IL31RA: variants seen among roughly 807,000 people sequenced by gnomAD.
The protein encoded by IL31RA is interleukin-31 receptor subunit alpha.
Under a neutral mutation model 83.7 loss-of-function variants are expected in IL31RA, and 66 were observed. The observed-to-expected ratio is 0.79, with a 90% CI of 0.65 to 0.97. The LOEUF is 0.97. Among genes scored for constraint, IL31RA ranks in the 50% least tolerant of loss-of-function variants. The pLI is 0.00. For synonymous variants in IL31RA, 325 were observed against 329.0 expected, an observed-to-expected ratio of 0.99 and a Z score of 0.13; for missense variants, 798 against 919.4, an observed-to-expected ratio of 0.87 and a Z score of 1.71.
At chr5:55,858,723 C>G (rs1370975512) in intron 1 of IL31RA, among the ~76,000 whole-genome samples, 1 of 152,088 alleles carries the variant, frequency 6.6e-6, no homozygotes, top group Non-Finnish European at 1.5e-5. Context: ...TATTCTTAGA[C>G]TATCCCACCA....
At chr5:55,916,412 A>G (rs1168299858) in intron 14 of IL31RA, among the ~76,000 whole-genome samples, 4 of 151,996 alleles carry the variant, frequency 2.6e-5, no homozygotes. Flanking sequence ...ATATAAATAA[A>G]TAAATTTTAA....
At chr5:55,886,260 C>T (rs1268231366) in intron 5 of IL31RA, among the ~76,000 whole-genome samples, 1 of 130,840 alleles carries the variant, frequency 7.6e-6, no homozygotes, top group East Asian at 2.1e-4. Context: ...TGCTTGCTTG[C>T]TTGCTTGCTT....
chr5:55,886,198 G>A (rs1747588064), intron 5 of IL31RA, among the ~76,000 whole-genome samples: 1 of 151,184 alleles, frequency 6.6e-6, no homozygotes, highest in Admixed American at 6.6e-5. Context: ...CCTGGAGGAT[G>A]CAGGAAGGAA....
intron 2 of IL31RA, among the ~76,000 whole-genome samples, chr5:55,865,424 C>T (rs1046306188): frequency 6.6e-6 from 1 of 152,032 alleles, no homozygotes; most frequent in African/African-American, 2.4e-5. Context: ...TCTCCCTCAC[C>T]CTCATTTGTC....
rs1444479558 is a variant in IL31RA at position 55,851,469 on chromosome 5, A to C, written c.-102A>C. The C allele has an allele frequency of 5.0e-6, 8 of 1,610,554 alleles. No individual in the cohort carries two copies. In the African/African-American group the frequency reaches 8.0e-5, roughly 16 times the overall value. ...CAAAAAATTGCAAAAAAAAATAGTA[A>C]TAACCAGCATGGCACTAAATAGACC... On this transcript the variant is annotated 5_prime_UTR_variant, in exon 1 of 15. Transcript: ENST00000652347.
In IL31RA at chr5:55,890,076, A is replaced by G; in HGVS notation, c.713A>G (p.Lys238Arg). 6.2e-7 allele frequency: 1 copy of G among 1,614,016 alleles called. No individual in the cohort carries two copies. The highest frequency in any genetic ancestry group is 8.5e-7 in the Non-Finnish European group (1 of 1,179,902). Residue 238 changes from lysine (K) to arginine (R), a missense_variant, in exon 6 of 15, where the codon AAG (lysine) becomes AGG (arginine). Coordinates refer to ENST00000652347, the MANE Select transcript of IL31RA (RefSeq NM_139017.7). ...GTCATAGCTCTGCGATGTGCGGTCA[A>G]GGAGTCAAAGTTCTGGAGTGACTGG... is the stretch of plus-strand genomic sequence containing the variant. ...EYVIALRCAV[K>R]ESKFWSDWSQ...
chr5:55,910,738 C>G (rs1749457391), intron 12 of IL31RA, 66 bp downstream of exon 12: 1 of 1,575,530 alleles, frequency 6.3e-7, no homozygotes. Flanking sequence ...AGAGAAATGA[C>G]ATCTGCCAAA....
At chr5:55,890,208 T>TTGTCA (rs1190385931) in intron 6 of IL31RA, 73 bp downstream of exon 6, 3 of 1,456,108 alleles carry the variant, frequency 2.1e-6, no homozygotes, top group Non-Finnish European at 2.9e-6. Context: ...TTGGTGGGGT[T>TTGTCA]TGTCACCACC....
upstream of IL31RA, among the ~76,000 whole-genome samples, chr5:55,850,345 G>T (rs1309372215): frequency 1.3e-5 from 2 of 151,970 alleles, no homozygotes; most frequent in Non-Finnish European, 2.9e-5. Context: ...TGTACTGCTG[G>T]TAGTCAGATG....
At chr5:55,879,002 C>T (rs1369582317) in intron 4 of IL31RA, among the ~76,000 whole-genome samples, 1 of 152,050 alleles carries the variant, frequency 6.6e-6, no homozygotes, top group Non-Finnish European at 1.5e-5. Flanking sequence ...CCCAGTTTCT[C>T]CTTATGATTT....
At position 55,854,308 on chromosome 5, in the gene IL31RA, GTA is replaced by G. The variant is rs544557874; in HGVS notation, c.63+2682_63+2683del. ...AGCTCGCAATCTCATCTTGGGCAAT[GTA>G]TATATAATCAATATCCTCATCCAAA... On this transcript the variant is annotated intron_variant, in intron 1 of 14. Transcript: ENST00000652347. Among the ~76,000 whole-genome samples the G allele has an allele frequency of 1.8e-4, 27 of 152,200 alleles. No homozygotes were observed. The South Asian group carries it at 5.4e-3, about 30-fold the overall frequency.
chr5:55,885,575 C>G (rs1284155804), intron 5 of IL31RA, among the ~76,000 whole-genome samples: 2 of 152,172 alleles, frequency 1.3e-5, no homozygotes, highest in African/African-American at 4.8e-5. Context: ...GGTCCCCAGT[C>G]TGTTGTCGAC....
chr5:55,848,228 T>G (rs557418298), upstream of IL31RA, among the ~76,000 whole-genome samples: 15 of 152,214 alleles, frequency 9.9e-5, no homozygotes, highest in Non-Finnish European at 2.1e-4. Context: ...TTCTTAAAGA[T>G]AGCAGTATCT....
At position 55,910,569 on chromosome 5, in the gene IL31RA, G is replaced by C; in HGVS notation, c.1539G>C (p.Leu513=). 6.2e-7 allele frequency: 1 copy of C among 1,614,158 alleles called. No individual in the cohort carries two copies. The highest frequency in any genetic ancestry group is 8.5e-7 in the Non-Finnish European group (1 of 1,180,010). Residue 513 remains leucine, a synonymous_variant, in exon 12 of 15, where the codon CTG becomes CTC. Transcript: ENST00000652347. ...ATTCCAGCATCTTGCAGTACGGCCTGGAGTCCCTGAAACGAAAGACCTCTT... is the reference window on the plus strand; with the variant it reads ...ATTCCAGCATCTTGCAGTACGGCCTCGAGTCCCTGAAACGAAAGACCTCTT... ...TVNSSILQYG[L]ESLKRKTSYI...
rs184026553 is a variant in IL31RA, at chr5:55,874,229, T to C, written c.454+1778T>C. Among the ~76,000 whole-genome samples the C allele has an allele frequency of 2.2e-3, 331 of 152,200 alleles. 1 individual carries two copies. Among genetic ancestry groups the C allele is most frequent in the African/African-American group, 7.5e-3 (312 of 41,568 alleles). ...CAATTATTTCACCATAAATGTAAGG[T>C]ATTTTTCAGGGTCTTCAATTCTATT... is the stretch of plus-strand genomic sequence containing the variant. On this transcript the variant is annotated intron_variant, in intron 4 of 14. Coordinates refer to ENST00000652347, the MANE Select transcript of IL31RA (RefSeq NM_139017.7).
In IL31RA at chr5:55,896,433, A is replaced by G. The variant is rs761718368; in HGVS notation, c.852+4A>G. On this transcript the variant is annotated splice_donor_region_variant and intron_variant, in intron 7 of 14. Coordinates refer to ENST00000652347, the MANE Select transcript of IL31RA (RefSeq NM_139017.7). ...GCCAGTGCGGTTGTTATGGAAGGTGACCTCCCTCTGGATTCTTTTTCTCTC... is the reference window on the plus strand; with the variant it reads ...GCCAGTGCGGTTGTTATGGAAGGTGGCCTCCCTCTGGATTCTTTTTCTCTC... 3.3e-5 allele frequency: 53 copies of G among 1,601,820 alleles called. No individual in the cohort carries two copies. The highest frequency in any genetic ancestry group is 4.5e-5 in the Non-Finnish European group (53 of 1,170,000).
chr5:55,849,509 T>C (rs950300874), upstream of IL31RA, among the ~76,000 whole-genome samples: 7 of 152,228 alleles, frequency 4.6e-5, no homozygotes. Context: ...TATTTTCTTA[T>C]ATAACATTTT....
At chr5:55,912,499 C>T (rs917371654) in intron 12 of IL31RA, among the ~76,000 whole-genome samples, 3 of 152,180 alleles carry the variant, frequency 2.0e-5, no homozygotes, top group Admixed American at 6.5e-5. Context: ...CCTTGGACAC[C>T]TTAGCTAAAG....
intron 2 of IL31RA, among the ~76,000 whole-genome samples, chr5:55,861,232 T>G (rs1745662327): frequency 6.6e-6 from 1 of 152,182 alleles, no homozygotes. Flanking sequence ...TGTCCTGGCA[T>G]GGCCTGCCTT....
Sources: gnomAD v4.1 joint callset for allele counts (sites outside exome capture counted in the v4.1 genomes callset) on GRCh38, gnomAD v4.1.1 for gene constraint, MANE v1.5 for transcripts, NCBI Gene and HGNC (gene_info 2026-07-23, HGNC 2026-07-21) for gene names.